CRPPA: variants seen among roughly 807,000 people sequenced by gnomAD.
The protein encoded by CRPPA is CDP-L-ribitol pyrophosphorylase A, also known as D-ribitol-5-phosphate cytidylyltransferase.
In CRPPA, 43 loss-of-function variants were observed where a neutral mutation model predicts 52.0. The ratio of observed to expected loss-of-function variants is 0.83; its 90% confidence interval spans 0.65 to 1.07. CRPPA has a LOEUF of 1.07. CRPPA is among the 50% of genes least tolerant of loss of function. The pLI is 0.00. For missense variants in CRPPA, 629 were observed against 551.7 expected, an observed-to-expected ratio of 1.14 and a Z score of -1.40; for synonymous variants, 250 against 203.5, an observed-to-expected ratio of 1.23 and a Z score of -1.94.
chr7:16,376,324 C>A, intron 2 of CRPPA, 83 bp from the exon 3 acceptor site: 1 of 1,367,558 alleles, frequency 7.3e-7, no homozygotes, highest in South Asian at 1.5e-5. Flanking sequence ...TCACTTTTGA[C>A]AGATCTTATT....
chr7:16,295,163 G>C (rs1027218122), intron 5 of CRPPA, among the ~76,000 whole-genome samples: 12 of 152,000 alleles, frequency 7.9e-5, no homozygotes, highest in African/African-American at 2.2e-4. Flanking sequence ...TATCGGTATA[G>C]TTTTTCAGAA....
Position 16,230,090 on chromosome 7 carries a change from G to A in CRPPA, c.1120-13893C>T, listed in dbSNP as rs566480803. On this transcript the variant is annotated intron_variant, in intron 8 of 9. Coordinates refer to ENST00000407010, the MANE Select transcript of CRPPA (RefSeq NM_001101426.4). ...TCTTCTTAGTCTTTGATTTTTGATAGCATTATTATAATATGTCTTGGAGAG... is the reference window on the plus strand; with the variant it reads ...TCTTCTTAGTCTTTGATTTTTGATAACATTATTATAATATGTCTTGGAGAG... 2.3e-4 allele frequency among the ~76,000 whole-genome samples: 35 copies of A among 151,998 alleles called. No homozygotes were observed. In the South Asian group the frequency reaches 5.6e-3, roughly 24 times the overall value.
chr7:16,370,169 C>A (rs1345272962), intron 3 of CRPPA, among the ~76,000 whole-genome samples: 2 of 152,210 alleles, frequency 1.3e-5, no homozygotes, highest in African/African-American at 4.8e-5. Flanking sequence ...GTGAAAGAAG[C>A]TCACAACTGA....
intron 3 of CRPPA, among the ~76,000 whole-genome samples, chr7:16,357,520 C>T (rs1015754857): frequency 6.6e-6 from 1 of 152,120 alleles, no homozygotes; most frequent in African/African-American, 2.4e-5. Context: ...CCGCCCTCCT[C>T]TGTGGCTCCA....
At chr7:16,233,520 A>T (rs1306150270) in intron 8 of CRPPA, among the ~76,000 whole-genome samples, 1 of 152,148 alleles carries the variant, frequency 6.6e-6, no homozygotes, top group Non-Finnish European at 1.5e-5. Flanking sequence ...GAATATATTA[A>T]AAAGGACCTA....
chr7:16,275,870 G>GA (rs925724525), intron 6 of CRPPA, among the ~76,000 whole-genome samples: 3 of 145,774 alleles, frequency 2.1e-5, no homozygotes, highest in African/African-American at 7.6e-5. Context: ...CAGAAAGAAA[G>GA]AAAAAAAAAG....
chr7:16,340,616 G>GA (rs869043539), intron 3 of CRPPA, among the ~76,000 whole-genome samples: 23 of 37,498 alleles, frequency 6.1e-4, no homozygotes, highest in East Asian at 2.7e-3. Context: ...AAAAAAAAAA[G>GA]AAAAAAAAAA....
At chr7:16,404,708 G>C (rs531451731) in intron 2 of CRPPA, among the ~76,000 whole-genome samples, 3 of 151,740 alleles carry the variant, frequency 2.0e-5, no homozygotes, top group Admixed American at 6.6e-5. Context: ...TCTTCCAAAT[G>C]TGCAAAATTT....
chr7:16,149,194 G>A (rs190079747), intron 9 of CRPPA, among the ~76,000 whole-genome samples: 24 of 152,086 alleles, frequency 1.6e-4, no homozygotes, highest in Non-Finnish European at 1.5e-5. Flanking sequence ...GCTTTGGAAG[G>A]AACTGGGTTG....
Position 16,098,996 on chromosome 7 carries a change from A to G in CRPPA, c.1252-7197T>C, listed in dbSNP as rs192718809. Among the ~76,000 whole-genome samples the G allele has an allele frequency of 1.7e-3, 260 of 152,352 alleles. 1 individual carries two copies. Among genetic ancestry groups the G allele is most frequent in the African/African-American group, 6.0e-3 (249 of 41,588 alleles). On this transcript the variant is annotated intron_variant, in intron 9 of 9. Transcript: ENST00000407010. ...GTTTACTGATTAACATAATCATCGC[A>G]CAACAGTTTTAGTCTTTTTTATTTT... is the stretch of plus-strand genomic sequence containing the variant.
chr7:16,280,624 C>G (rs1450790830), intron 5 of CRPPA, among the ~76,000 whole-genome samples: 1 of 152,166 alleles, frequency 6.6e-6, no homozygotes, highest in Non-Finnish European at 1.5e-5. Flanking sequence ...TCATATATCC[C>G]TCTTTATAAA....
chr7:16,324,318 G>A (rs1305829548), intron 3 of CRPPA, among the ~76,000 whole-genome samples: 1 of 152,190 alleles, frequency 6.6e-6, no homozygotes, highest in Non-Finnish European at 1.5e-5. Flanking sequence ...GGTCAGGATG[G>A]TCTGACGACA....
intron 5 of CRPPA, among the ~76,000 whole-genome samples, chr7:16,295,185 A>C (rs1331345199): frequency 6.6e-6 from 1 of 152,126 alleles, no homozygotes; most frequent in Non-Finnish European, 1.5e-5. Context: ...CAAATAAAAT[A>C]TGGCATGAGG....
At chr7:16,378,078 G>T (rs1247539803) in intron 2 of CRPPA, among the ~76,000 whole-genome samples, 1 of 151,914 alleles carries the variant, frequency 6.6e-6, no homozygotes, top group Non-Finnish European at 1.5e-5. Flanking sequence ...AAGCAGTGAT[G>T]TGGTGATTTT....
At chr7:16,337,727 A>G (rs934481858) in intron 3 of CRPPA, among the ~76,000 whole-genome samples, 1 of 152,186 alleles carries the variant, frequency 6.6e-6, no homozygotes, top group East Asian at 1.9e-4. Flanking sequence ...ATCATAAAAG[A>G]TTACTAAAAA....
At chr7:16,254,839 AAGAAAG>A (rs1457554655) in intron 8 of CRPPA, among the ~76,000 whole-genome samples, 2 of 145,200 alleles carry the variant, frequency 1.4e-5, no homozygotes, top group Non-Finnish European at 3.1e-5. Context: ...GAAAGAAAGA[AAGAAAG>A]AGAAAGAAGA....
chr7:16,195,634 T>A (rs1286621516), intron 9 of CRPPA, among the ~76,000 whole-genome samples: 1 of 152,072 alleles, frequency 6.6e-6, no homozygotes, highest in Non-Finnish European at 1.5e-5. Flanking sequence ...TTCCTCCCCA[T>A]CTCTGGGGCC....
intron 1 of CRPPA, among the ~76,000 whole-genome samples, chr7:16,416,455 C>T (rs1289333827): frequency 6.6e-6 from 1 of 152,130 alleles, no homozygotes; most frequent in African/African-American, 2.4e-5. Flanking sequence ...GGGCATCAGC[C>T]TTGGGAAAGA....
chr7:16,301,551 G>T, intron 4 of CRPPA, 85 bp from the exon 5 acceptor site: 1 of 944,624 alleles, frequency 1.1e-6, no homozygotes, highest in Admixed American at 2.0e-5. Flanking sequence ...GGAAATTCTT[G>T]ATTTTTCAGA....
Sources: allele counts gnomAD v4.1 joint callset (sites outside exome capture counted in the v4.1 genomes callset), GRCh38; gene constraint gnomAD v4.1.1; transcripts MANE v1.5; gene names NCBI Gene and HGNC (gene_info 2026-07-23, HGNC 2026-07-21).